ZNF568: variants seen among roughly 807,000 people sequenced by gnomAD.
The protein encoded by ZNF568 is zinc finger protein 568.
ZNF568 carries 11 observed loss-of-function variants against 18.1 expected under a neutral mutation model. The observed-to-expected ratio is 0.61, with a 90% CI of 0.38 to 1.00. The LOEUF (loss-of-function observed/expected upper bound fraction) is 1.00. Ranked by LOEUF, ZNF568 falls within the 50% of genes least tolerant of loss-of-function variation. The probability of loss-of-function intolerance (pLI) is 0.01; values close to 1 mark genes in which losing one functional copy is unlikely to be tolerated. For synonymous variants in ZNF568, 213 were observed against 246.6 expected (o/e 0.86, Z 1.28); for missense variants, 639 against 768.2 (o/e 0.83, Z 1.99).
intron 6 of ZNF568, among the ~76,000 whole-genome samples, chr19:36,958,412 G>A (rs1405022033): frequency 2.6e-5 from 4 of 151,786 alleles, no homozygotes; most frequent in African/African-American, 9.7e-5. Context: ...TATTTTGGAA[G>A]GTTAATAGTT....
At chr19:36,926,926 C>G (rs947239222) in intron 4 of ZNF568, among the ~76,000 whole-genome samples, 17 of 152,168 alleles carry the variant, frequency 1.1e-4, no homozygotes, top group African/African-American at 3.9e-4. Flanking sequence ...GGCCCACACT[C>G]TACGATACTG....
At chr19:36,971,861 G>T (rs796202003) in intron 6 of ZNF568, among the ~76,000 whole-genome samples, 1,459 of 72,986 alleles carry the variant, frequency 0.02, 10 homozygotes, top group Middle Eastern at 0.049. Context: ...TTTTTTTTTT[G>T]AGATGAAGTC....
rs767901285 is a variant in ZNF568, at chr19:36,922,737, C to G, written c.-34C>G. 6.2e-7 allele frequency: 1 copy of G among 1,605,676 alleles called. No individual in the cohort carries two copies. Among genetic ancestry groups the G allele is most frequent in the Non-Finnish European group, 8.5e-7 (1 of 1,173,210 alleles). On this transcript the variant is annotated 5_prime_UTR_variant, in exon 3 of 7. Coordinates refer to ENST00000333987, the MANE Select transcript of ZNF568 (RefSeq NM_198539.4). Reference sequence around the variant, plus strand: ...GGACCCTGGAGTTGCTGGAGCTTGTCTTGACCCTTCTGCCCAGAGCAGGCA... The same window carrying G: ...GGACCCTGGAGTTGCTGGAGCTTGTGTTGACCCTTCTGCCCAGAGCAGGCA...
chr19:36,930,877 T>G (rs1209551817), intron 4 of ZNF568, among the ~76,000 whole-genome samples: 1 of 152,218 alleles, frequency 6.6e-6, no homozygotes, highest in Non-Finnish European at 1.5e-5. Context: ...CCACAGCCTA[T>G]TAACTGGTAA....
At chr19:36,943,819 C>T (rs925886204) in intron 6 of ZNF568, among the ~76,000 whole-genome samples, 5 of 152,014 alleles carry the variant, frequency 3.3e-5, no homozygotes, top group East Asian at 3.9e-4. Flanking sequence ...GTGATCAGCC[C>T]GCTTTGGCCT....
intron 6 of ZNF568, among the ~76,000 whole-genome samples, chr19:36,969,781 A>ATTT (rs200089198): frequency 3.8e-4 from 29 of 77,114 alleles, no homozygotes; most frequent in East Asian, 7.2e-4. Context: ...CCATCTCAAG[A>ATTT]TTTTTTTTTT....
At chr19:36,996,359 A>C in exon 5 of ZNF568, 1 of 1,533,748 alleles carries the variant, frequency 6.5e-7, no homozygotes, top group Non-Finnish European at 8.7e-7. Flanking sequence ...TCTCCAAAGG[A>C]AAACATTTAT....
rs4069585 is a variant in ZNF568 at position 36,948,658 on chromosome 19, A to ATTTT, written c.359-832_359-829dup. Among the ~76,000 whole-genome samples the ATTTT allele has an allele frequency of 8.0e-4, 67 of 83,552 alleles. 1 individual carries two copies. Among genetic ancestry groups the ATTTT allele is most frequent in the African/African-American group, 3.1e-3 (66 of 20,994 alleles). The allele number at this position is 83,552 out of a possible 152,430, so 54.8% of individuals were successfully genotyped here. ...TTGCAGCAGGGGTTTTTTGTTGTTG[A>ATTTT]TTTTTTTTTTTTTTTTTTTTTTTTT... is the stretch of plus-strand genomic sequence containing the variant. On this transcript the variant is annotated intron_variant, in intron 6 of 6. Coordinates refer to ENST00000333987, the MANE Select transcript of ZNF568 (RefSeq NM_198539.4).
chr19:36,975,107 G>A (rs1287195938), intron 7 of ZNF568, among the ~76,000 whole-genome samples: 2 of 150,308 alleles, frequency 1.3e-5, no homozygotes, highest in Non-Finnish European at 2.9e-5. Context: ...GATTACAGGC[G>A]AGAGCCATCT....
At chr19:36,976,780 C>T (rs1422758210) in intron 7 of ZNF568, among the ~76,000 whole-genome samples, 3 of 152,116 alleles carry the variant, frequency 2.0e-5, no homozygotes, top group Non-Finnish European at 2.9e-5. Flanking sequence ...TGTGGTGGCG[C>T]ATGCCTGTAA....
chr19:36,981,366 G>A (rs2074329855), downstream of ZNF568, among the ~76,000 whole-genome samples: 1 of 152,032 alleles, frequency 6.6e-6, no homozygotes, highest in Non-Finnish European at 1.5e-5. Flanking sequence ...AATCCAGTTG[G>A]GATAATGATT....
Position 36,952,124 on chromosome 19 carries a change from C to T in ZNF568, c.*1036C>T, listed in dbSNP as rs1259742933. 1.5e-6 allele frequency: 1 copy of T among 680,236 alleles called. No individual in the cohort carries two copies. The highest frequency in any genetic ancestry group is 2.2e-5 in the African/African-American group (1 of 45,670). The allele number at this position is 680,236 out of a possible 1,614,324, so 42.1% of individuals were successfully genotyped here. ...ATCCTATAGAAACTCACAAATAATG[C>T]ATAAGAAATATATATATAATATATG... is the stretch of plus-strand genomic sequence containing the variant. On this transcript the variant is annotated 3_prime_UTR_variant, in exon 7 of 7. Transcript: ENST00000333987.
chr19:36,923,318 A>G lies in ZNF568; in HGVS notation c.76+472A>G, dbSNP rs111442318. Among the ~76,000 whole-genome samples the G allele has an allele frequency of 3.2e-3, 479 of 151,878 alleles. 3 individuals carry two copies. Among genetic ancestry groups the G allele is most frequent in the African/African-American group, 0.011 (460 of 41,392 alleles). On this transcript the variant is annotated intron_variant, in intron 3 of 6. Transcript: ENST00000333987. ...ACCTAACCCCTTCCGTTTCATCTCC[A>G]CCCCAACACACTCTTCTCCTTGCCC...
intron 6 of ZNF568, among the ~76,000 whole-genome samples, chr19:36,962,288 T>A (rs1202968625): frequency 1.4e-5 from 2 of 144,326 alleles, no homozygotes; most frequent in Non-Finnish European, 3.0e-5. Context: ...TTTTTTTTTT[T>A]TTTTTTTTTT....
Position 36,952,072 on chromosome 19 carries a change from T to C in ZNF568, c.*984T>C. 1.1e-6 allele frequency: 1 copy of C among 912,448 alleles called. No homozygotes were observed. 56.5% of individuals were successfully genotyped at this position (912,448 alleles called of 1,614,324 possible). A position where few individuals can be genotyped will look rare whatever the true frequency, so the allele number is the denominator to read the frequency against. On this transcript the variant is annotated 3_prime_UTR_variant, in exon 7 of 7. Coordinates refer to ENST00000333987, the MANE Select transcript of ZNF568 (RefSeq NM_198539.4). ...TTTTTTTTTCAAGACAAAAGGACTC[T>C]GTAATTCCACTTCTAGGTATATATA...
chr19:36,927,886 ATTATATATATATATATATTTTTTTTTTTT>A (rs2073596593), intron 4 of ZNF568, among the ~76,000 whole-genome samples: 6 of 48,184 alleles, frequency 1.2e-4, no homozygotes, highest in African/African-American at 6.0e-4. Flanking sequence ...ATATATATAT[ATTATATATATATATATATTTTTTTTTTTT>A]TTTTTTTTTT....
At chr19:36,974,402 T>C (rs1294953300) in intron 6 of ZNF568, 2 of 1,535,922 alleles carry the variant, frequency 1.3e-6, no homozygotes, top group Admixed American at 2.0e-5. Flanking sequence ...TTAACGTTTT[T>C]CCACATCTTT....
rs2074042027 is a variant in ZNF568 at position 36,950,514 on chromosome 19, C to A, written c.1361C>A (p.Ala454Asp). 6.2e-7 allele frequency: 1 copy of A among 1,613,828 alleles called. No homozygotes were observed. The highest frequency in any genetic ancestry group is 1.6e-4 in the Middle Eastern group (1 of 6,080). ...KPYECKECGK[A>D]FSRKENLITH... Reference sequence around the variant, plus strand: ...TATGAATGTAAGGAATGTGGAAAAGCCTTCAGCAGGAAAGAAAATCTCATT... The same window carrying A: ...TATGAATGTAAGGAATGTGGAAAAGACTTCAGCAGGAAAGAAAATCTCATT... The change falls in exon 7 of 7, where the codon GCC (alanine) becomes GAC (aspartate). Residue 454 changes from alanine to aspartate, a missense_variant. Transcript: ENST00000333987.
chr19:36,940,908 A>G lies in ZNF568; in HGVS notation c.358+3666A>G, dbSNP rs16989369. ...GTCTGTTTGGGGGGTAAAATTAGAAACATGGCCTGATTAGAGGAGAGAAGA... is the reference window on the plus strand; with the variant it reads ...GTCTGTTTGGGGGGTAAAATTAGAAGCATGGCCTGATTAGAGGAGAGAAGA... On this transcript the variant is annotated intron_variant, in intron 6 of 6. Transcript: ENST00000333987. 6.3e-3 allele frequency among the ~76,000 whole-genome samples: 956 copies of G among 152,320 alleles called. 28 individuals carry two copies. The highest frequency in any genetic ancestry group is 0.05 in the East Asian group (259 of 5,188).
Sources: allele counts gnomAD v4.1 joint callset (sites outside exome capture counted in the v4.1 genomes callset), GRCh38; gene constraint gnomAD v4.1.1; transcripts MANE v1.5; gene names NCBI Gene and HGNC (gene_info 2026-07-23, HGNC 2026-07-21).